SNAPC3: variants seen among roughly 807,000 people sequenced by gnomAD.
The protein encoded by SNAPC3 is small nuclear RNA activating complex polypeptide 3.
In SNAPC3, 56 loss-of-function variants were observed where a neutral mutation model predicts 47.7. That is an observed-to-expected ratio of 1.18 (90% CI 0.95 to 1.47). SNAPC3 has a LOEUF of 1.47. Among genes scored for constraint, SNAPC3 ranks in the 40% most tolerant of loss-of-function variants. The probability of loss-of-function intolerance (pLI) is 0.00; values close to 1 mark genes in which losing one functional copy is unlikely to be tolerated. For missense variants in SNAPC3, 665 were observed against 511.3 expected (o/e 1.30, Z -2.90); for synonymous variants, 235 against 189.9 (o/e 1.24, Z -1.95).
At chr9:15,442,188 TGGCCGGGCGGG>T (rs2033480131) in intron 3 of SNAPC3, among the ~76,000 whole-genome samples, 1 of 138,884 alleles carries the variant, frequency 7.2e-6, no homozygotes, top group Non-Finnish European at 1.6e-5. Context: ...ACGGGGCGGC[TGGCCGGGCGGG>T]GGCTGCCCCC....
At chr9:15,438,986 G>T (rs2033080247) in intron 3 of SNAPC3, among the ~76,000 whole-genome samples, 1 of 152,108 alleles carries the variant, frequency 6.6e-6, no homozygotes, top group Non-Finnish European at 1.5e-5. Flanking sequence ...CTTCAATTCT[G>T]TTGGCTTTTG....
chr9:15,453,167 G>C lies in SNAPC3; in HGVS notation c.942G>C (p.Gln314His), dbSNP rs764209608. 6.2e-7 allele frequency: 1 copy of C among 1,613,082 alleles called. No homozygotes were observed. The highest frequency in any genetic ancestry group is 1.7e-5 in the Admixed American group (1 of 60,010). The change falls in exon 7 of 9, where the codon CAG (glutamine) becomes CAC (histidine). Residue 314 changes from glutamine to histidine, a missense_variant. Coordinates refer to ENST00000380821, the MANE Select transcript of SNAPC3 (RefSeq NM_001039697.2). The part of the protein sequence containing the change: ...KLGFPYLYCH[Q>H]GDCEHVIVIT... ...GTTTTCCTTACTTATACTGTCATCA[G>C]GGAGACTGTGAACATGTCATTGTCA...
At chr9:15,442,017 G>A (rs546935781) in intron 3 of SNAPC3, among the ~76,000 whole-genome samples, 3 of 151,354 alleles carry the variant, frequency 2.0e-5, no homozygotes, top group Non-Finnish European at 4.4e-5. Flanking sequence ...GCGGCCAGGC[G>A]GAGGCGCTCC....
chr9:15,437,553 G>C lies in SNAPC3; in HGVS notation c.477+3917G>C, dbSNP rs188876620. On this transcript the variant is annotated intron_variant, in intron 3 of 8. Coordinates refer to ENST00000380821, the MANE Select transcript of SNAPC3 (RefSeq NM_001039697.2). Reference sequence around the variant, plus strand: ...CGGCCCTGTTCCTATTTTCTTTAGTGTTTTTATCATGAAAGGGTGTTAGAT... The same window carrying C: ...CGGCCCTGTTCCTATTTTCTTTAGTCTTTTTATCATGAAAGGGTGTTAGAT... Among the ~76,000 whole-genome samples, 242 of 149,834 alleles carry C rather than the reference G, an allele frequency of 1.6e-3. 1 individual carries two copies. The highest frequency in any genetic ancestry group is 5.9e-3 in the African/African-American group (241 of 40,574).
intron 2 of SNAPC3, among the ~76,000 whole-genome samples, chr9:15,427,698 T>TC (rs2031604585): frequency 6.6e-6 from 1 of 152,072 alleles, no homozygotes; most frequent in East Asian, 1.9e-4. Flanking sequence ...ATTCTGCCCA[T>TC]CCCCCTCACT....
At chr9:15,435,827 TTTAC>T (rs1399745928) in intron 3 of SNAPC3, among the ~76,000 whole-genome samples, 3 of 140,196 alleles carry the variant, frequency 2.1e-5, no homozygotes, top group Admixed American at 8.2e-5. Flanking sequence ...ATGTTGTCTT[TTTAC>T]TTACTTTTCT....
At chr9:15,462,710 C>G (rs1473963217), downstream of SNAPC3, 1 of 152,182 alleles carries the variant, frequency 6.6e-6, no homozygotes, top group Non-Finnish European at 1.5e-5. Context: ...CATTTAAGGA[C>G]AATTAGACAT....
intron 7 of SNAPC3, among the ~76,000 whole-genome samples, chr9:15,456,858 G>C (rs2034837389): frequency 6.6e-6 from 1 of 152,132 alleles, no homozygotes; most frequent in South Asian, 2.1e-4. Context: ...TTATCTTACA[G>C]GTGGATTTAA....
intron 8 of SNAPC3, among the ~76,000 whole-genome samples, chr9:15,459,475 A>C (rs1056829386): frequency 6.6e-6 from 1 of 152,168 alleles, no homozygotes. Context: ...CTTTAAGGGT[A>C]AGTATTACAG....
intron 3 of SNAPC3, among the ~76,000 whole-genome samples, chr9:15,439,508 A>T (rs953386086): frequency 6.6e-6 from 1 of 152,012 alleles, no homozygotes; most frequent in African/African-American, 2.4e-5. Flanking sequence ...ACACATGCCA[A>T]AACATCTTAT....
rs924706598 is a variant in SNAPC3 at position 15,423,898 on chromosome 9, T to A, written c.315-11T>A. 2 of 1,537,704 alleles carry A rather than the reference T, an allele frequency of 1.3e-6. No individual in the cohort carries two copies. The highest frequency in any genetic ancestry group is 1.8e-6 in the Non-Finnish European group (2 of 1,140,912). ...TCGACCTTAAAGTATTGCTTTTCCT[T>A]TTTGTTTTAGCCTTGATAAACTGAA... On this transcript the variant is annotated splice_polypyrimidine_tract_variant and intron_variant, in intron 1 of 8. Transcript: ENST00000380821.
intron 3 of SNAPC3, among the ~76,000 whole-genome samples, chr9:15,442,799 CT>C (rs2033593197): frequency 6.6e-6 from 1 of 152,184 alleles, no homozygotes; most frequent in Admixed American, 6.5e-5. Context: ...AATCTCGGCA[CT>C]TTGGGAGGCC....
At chr9:15,446,176 T>C (rs989546474) in intron 4 of SNAPC3, among the ~76,000 whole-genome samples, 8 of 152,182 alleles carry the variant, frequency 5.3e-5, no homozygotes, top group African/African-American at 1.7e-4. Context: ...AACCAGAAAA[T>C]TTCCATGGCT....
In SNAPC3 at chr9:15,458,082, A is replaced by ATTT. The variant is rs35960449; in HGVS notation, c.1088+24_1088+26dup. On this transcript the variant is annotated intron_variant, in intron 8 of 8. Transcript: ENST00000380821. The stretch of plus-strand genomic sequence containing the variant: ...TATACAGCCAGGTGAGTGATAATGT[A>ATTT]TTTTTTTTTTTCTCTGAGAAATGGC... 45,578 of 976,112 alleles carry ATTT rather than the reference A, an allele frequency of 0.047. 445 individuals carry two copies. The highest frequency in any genetic ancestry group is 0.053 in the South Asian group (3,040 of 57,516). 60.5% of individuals were successfully genotyped at this position (976,112 alleles called of 1,614,324 possible).
At chr9:15,457,840 A>G in intron 7 of SNAPC3, 120 bp from the exon 8 acceptor site, 2 of 637,678 alleles carry the variant, frequency 3.1e-6, no homozygotes, top group East Asian at 3.2e-5. Context: ...AACATCTTGT[A>G]AGCAAAAATT....
chr9:15,456,514 TTG>T (rs1455637427), intron 7 of SNAPC3, among the ~76,000 whole-genome samples: 1 of 151,850 alleles, frequency 6.6e-6, no homozygotes, highest in African/African-American at 2.4e-5. Context: ...GTTGCTCAGG[TTG>T]GAGTGCAGTG....
intron 7 of SNAPC3, among the ~76,000 whole-genome samples, chr9:15,455,066 G>T (rs969444391): frequency 1.2e-4 from 18 of 152,190 alleles, no homozygotes; most frequent in African/African-American, 4.3e-4. Context: ...AATTCGTCCT[G>T]AATTAAATAT....
rs1340654057 is a variant in SNAPC3 at position 15,460,426 on chromosome 9, T to C, written c.*560T>C. The C allele has an allele frequency of 2.0e-5, 3 of 152,360 alleles. No homozygotes were observed. The highest frequency in any genetic ancestry group is 3.9e-4 in the East Asian group (2 of 5,186). 9.4% of individuals were successfully genotyped at this position (152,360 alleles called of 1,614,324 possible). On this transcript the variant is annotated 3_prime_UTR_variant, in exon 9 of 9. Coordinates refer to ENST00000380821, the MANE Select transcript of SNAPC3 (RefSeq NM_001039697.2). ...ATTTTTTGAGACAAAATCTCGCTCT[T>C]GTTGCCCAGGCTGGAATACAGTGGC...
intron 5 of SNAPC3, among the ~76,000 whole-genome samples, chr9:15,449,166 C>T (rs2034172584): frequency 6.6e-6 from 1 of 151,206 alleles, no homozygotes; most frequent in Admixed American, 6.6e-5. Flanking sequence ...TTAACCTTGT[C>T]AAAAAAAACG....
Sources: gnomAD v4.1 joint callset for allele counts (sites outside exome capture counted in the v4.1 genomes callset) on GRCh38, gnomAD v4.1.1 for gene constraint, MANE v1.5 for transcripts, NCBI Gene and HGNC (gene_info 2026-07-23, HGNC 2026-07-21) for gene names.